DUSP16: variants seen among roughly 807,000 people sequenced by gnomAD.
DUSP16 encodes dual specificity phosphatase 16.
A neutral mutation model predicts 58.3 loss-of-function variants in DUSP16; 21 were observed. The observed-to-expected ratio is 0.36, with a 90% CI of 0.26 to 0.52. The LOEUF (loss-of-function observed/expected upper bound fraction) is 0.52, where lower values mean the gene tolerates loss of function less well. Among genes scored for constraint, DUSP16 ranks in the 20% least tolerant of loss-of-function variants. DUSP16 has a pLI of 0.94. For missense variants in DUSP16, 726 were observed against 819.0 expected (o/e 0.89, Z 1.39); for synonymous variants, 320 against 323.8 (o/e 0.99, Z 0.12).
chr12:12,475,153 C>CAGAG lies in DUSP16; in HGVS notation c.*1676_*1679dup, dbSNP rs1037156866. ...CAAAAAACTGTCCATTTCTCAAAAA[C>CAGAG]AGAGAAAAACCTGAGATACGAGGCA... On this transcript the variant is annotated 3_prime_UTR_variant, in exon 7 of 7. Transcript: ENST00000298573. The CAGAG allele has an allele frequency of 6.6e-6, 1 of 152,154 alleles. No individual in the cohort carries two copies. Among genetic ancestry groups the CAGAG allele is most frequent in the Admixed American group, 6.5e-5 (1 of 15,276 alleles). 9.4% of individuals were successfully genotyped at this position (152,154 alleles called of 1,614,324 possible).
intron 3 of DUSP16, among the ~76,000 whole-genome samples, chr12:12,509,020 G>A (rs1944037247): frequency 6.6e-6 from 1 of 152,198 alleles, no homozygotes; most frequent in Non-Finnish European, 1.5e-5. Context: ...CTCAGAAGAT[G>A]TAGACTGGTA....
At position 12,500,597 on chromosome 12, in the gene DUSP16, G is replaced by A. The variant is rs1172771475; in HGVS notation, c.453C>T (p.Cys151=). 6.2e-7 allele frequency: 1 copy of A among 1,612,092 alleles called. No individual in the cohort carries two copies. The highest frequency in any genetic ancestry group is 8.5e-7 in the Non-Finnish European group (1 of 1,179,222). ...TLVPTCISQP[C]LPVANIGPTR... ...TTGGCCCAATGTTGGCAACAGGTAA[G>A]CAAGGCTGAGAAATGCAGGTAGGGA... Residue 151 remains cysteine (C), a synonymous_variant, in exon 4 of 7, where the codon TGC becomes TGT. Coordinates refer to ENST00000298573, the MANE Select transcript of DUSP16 (RefSeq NM_030640.3).
At chr12:12,501,984 C>T (rs144189679) in intron 3 of DUSP16, among the ~76,000 whole-genome samples, 2 of 151,760 alleles carry the variant, frequency 1.3e-5, no homozygotes, top group East Asian at 1.9e-4. Flanking sequence ...AGCAACACTC[C>T]GTCTCAAAAA....
chr12:12,542,388 G>GAAAAAAAAAAAAAA (rs56822339), intron 1 of DUSP16, among the ~76,000 whole-genome samples: 1 of 109,704 alleles, frequency 9.1e-6, no homozygotes, highest in Non-Finnish European at 1.8e-5. Context: ...AAAGAAAAGA[G>GAAAAAAAAAAAAAA]AAAAAAAAAA....
rs759912271 is a variant in DUSP16, at chr12:12,476,892, C to G, written c.1939G>C (p.Gly647Arg). 9.3e-6 allele frequency: 15 copies of G among 1,613,412 alleles called. 1 individual carries two copies. Among genetic ancestry groups the G allele is most frequent in the Middle Eastern group, 1.6e-4 (1 of 6,062 alleles). ...AAGCTAGACTGACTGCCCACTTTCCCCAGCTCTTCCCGTGACCTGTTCTCT... is the reference window on the plus strand; with the variant it reads ...AAGCTAGACTGACTGCCCACTTTCCGCAGCTCTTCCCGTGACCTGTTCTCT... ...MSENRSREEL[G>R]KVGSQSSFSG... The change falls in exon 7 of 7, where the codon GGG becomes CGG. Residue 647 changes from glycine to arginine, a missense_variant. Physicochemically the swap from Gly to Arg is moderately radical, Grantham distance 125. Transcript: ENST00000298573.
intron 1 of DUSP16, among the ~76,000 whole-genome samples, chr12:12,545,036 C>T (rs1944621512): frequency 6.6e-6 from 1 of 152,142 alleles, no homozygotes; most frequent in African/African-American, 2.4e-5. Flanking sequence ...CTTTGTTCTT[C>T]CTTAATATTA....
intron 3 of DUSP16, among the ~76,000 whole-genome samples, chr12:12,513,803 A>G (rs1592186346): frequency 6.6e-6 from 1 of 152,308 alleles, no homozygotes; most frequent in East Asian, 1.9e-4. Flanking sequence ...TCTCTTTTCC[A>G]TATGTCAGCA....
intron 1 of DUSP16, among the ~76,000 whole-genome samples, chr12:12,549,766 GCTT>G (rs79913945): frequency 0.11 from 14,288 of 135,562 alleles, 1,321 homozygotes; most frequent in East Asian, 0.27. Flanking sequence ...TGGCCACAGT[GCTT>G]TTTTATTAAA....
chr12:12,547,353 C>T (rs575088955), intron 1 of DUSP16, among the ~76,000 whole-genome samples: 9 of 150,534 alleles, frequency 6.0e-5, no homozygotes, highest in African/African-American at 7.3e-5. Context: ...CGCTTGAACC[C>T]GGGTGGAGGT....
rs544932647 is a variant in DUSP16 at position 12,489,027 on chromosome 12, C to A, written c.532-1840G>T. On this transcript the variant is annotated intron_variant, in intron 4 of 6. Transcript: ENST00000298573. Reference sequence around the variant, plus strand: ...CTCAGGAGGCAGAGGTTGTGGTGAGCTGAGATCGCGCCATTGCACTCCAGC... The same window carrying A: ...CTCAGGAGGCAGAGGTTGTGGTGAGATGAGATCGCGCCATTGCACTCCAGC... Among the ~76,000 whole-genome samples, 13 of 152,336 alleles carry A rather than the reference C, an allele frequency of 8.5e-5. No homozygotes were observed. In the South Asian group the frequency reaches 2.7e-3, roughly 32 times the overall value.
rs150236998 is a variant in DUSP16, at chr12:12,489,581, A to G, written c.532-2394T>C. 7.9e-5 allele frequency among the ~76,000 whole-genome samples: 12 copies of G among 152,354 alleles called. 1 individual carries two copies. In the East Asian group the frequency reaches 2.3e-3, roughly 29 times the overall value. On this transcript the variant is annotated intron_variant, in intron 4 of 6. Coordinates refer to ENST00000298573, the MANE Select transcript of DUSP16 (RefSeq NM_030640.3). ...AAGTAAAGGAATTAGTAATATCCCT[A>G]TCCACTCAATTCAATAATGAAGAAA...
chr12:12,525,188 A>T (rs1023828649), intron 1 of DUSP16, among the ~76,000 whole-genome samples: 1 of 152,042 alleles, frequency 6.6e-6, no homozygotes, highest in Non-Finnish European at 1.5e-5. Context: ...TTTTTTCAAC[A>T]TTTAATTAGA....
intron 1 of DUSP16, among the ~76,000 whole-genome samples, chr12:12,529,575 T>C (rs1292971395): frequency 6.6e-6 from 1 of 152,232 alleles, no homozygotes; most frequent in African/African-American, 2.4e-5. Flanking sequence ...CTTGAATTTT[T>C]CAGGAATACT....
At chr12:12,503,143 G>A (rs1351497978) in intron 3 of DUSP16, among the ~76,000 whole-genome samples, 3 of 151,030 alleles carry the variant, frequency 2.0e-5, no homozygotes, top group Admixed American at 2.0e-4. Flanking sequence ...TCACAGAGTT[G>A]TTGAGATAAT....
At chr12:12,551,075 T>C (rs528622185) in intron 1 of DUSP16, among the ~76,000 whole-genome samples, 32 of 151,156 alleles carry the variant, frequency 2.1e-4, no homozygotes, top group African/African-American at 7.5e-4. Flanking sequence ...AAAGCATTTA[T>C]ACAATTTTTT....
chr12:12,499,294 T>A (rs1301072130), intron 4 of DUSP16, among the ~76,000 whole-genome samples: 2 of 152,214 alleles, frequency 1.3e-5, no homozygotes, highest in African/African-American at 4.8e-5. Flanking sequence ...AATTTTGCTT[T>A]CTGTAACATA....
intron 6 of DUSP16, 25 bp from the exon 7 acceptor site, chr12:12,478,040 A>C (rs772537891): frequency 6.6e-7 from 1 of 1,521,874 alleles, no homozygotes; most frequent in Admixed American, 2.2e-5. Context: ...AAAAACAAAA[A>C]CCCGAATTTT....
At chr12:12,481,172 GTTA>G (rs1943557307) in intron 5 of DUSP16, among the ~76,000 whole-genome samples, 2 of 152,180 alleles carry the variant, frequency 1.3e-5, no homozygotes, top group African/African-American at 4.8e-5. Context: ...GATACCAGGA[GTTA>G]TTGTCTTATG....
At chr12:12,498,894 C>T (rs1240280932) in intron 4 of DUSP16, among the ~76,000 whole-genome samples, 2 of 152,158 alleles carry the variant, frequency 1.3e-5, no homozygotes, top group Non-Finnish European at 2.9e-5. Context: ...CCATTCTCCC[C>T]ACTGCAAATA....
Sources: gnomAD v4.1 joint callset for allele counts (sites outside exome capture counted in the v4.1 genomes callset) on GRCh38, gnomAD v4.1.1 for gene constraint, MANE v1.5 for transcripts, NCBI Gene and HGNC (gene_info 2026-07-23, HGNC 2026-07-21) for gene names.